RBM20: variants seen among roughly 807,000 people sequenced by gnomAD.
RBM20 encodes the protein RNA binding motif protein 20.
Under a neutral mutation model 110.1 loss-of-function variants are expected in RBM20, and 51 were observed. That is an observed-to-expected ratio of 0.46 (90% CI 0.37 to 0.59). RBM20 has a LOEUF of 0.59. Ranked by LOEUF, RBM20 falls within the 20% of genes least tolerant of loss-of-function variation. RBM20 has a pLI of 0.00. For missense variants in RBM20, 1,512 were observed against 1,574.9 expected (o/e 0.96, Z 0.68); for synonymous variants, 589 against 618.2 (o/e 0.95, Z 0.70).
chr10:110,765,831 A>G (rs548007096), intron 1 of RBM20, among the ~76,000 whole-genome samples: 2 of 152,162 alleles, frequency 1.3e-5, no homozygotes, highest in African/African-American at 4.8e-5. Flanking sequence ...CCTTATATAC[A>G]TTGGAATCTT....
intron 1 of RBM20, among the ~76,000 whole-genome samples, chr10:110,754,100 G>T (rs1231583510): frequency 6.6e-6 from 1 of 151,964 alleles, no homozygotes; most frequent in Non-Finnish European, 1.5e-5. Context: ...AATATCTTTG[G>T]GGGTCATTCA....
Position 110,836,149 on chromosome 10 carries a change from G to A in RBM20, c.*171G>A. On this transcript the variant is annotated 3_prime_UTR_variant, in exon 14 of 14. Coordinates refer to ENST00000369519, the MANE Select transcript of RBM20 (RefSeq NM_001134363.3). ...AGACTCAGTGAAATGCCCCTGATAT[G>A]TCTCCAGGAGCAAGTCACCCAGGTG... 1 of 477,800 alleles carries A rather than the reference G, an allele frequency of 2.1e-6. No homozygotes were observed. Among genetic ancestry groups the A allele is most frequent in the Non-Finnish European group, 3.7e-6 (1 of 271,112 alleles). 29.6% of individuals were successfully genotyped at this position (477,800 alleles called of 1,614,324 possible).
At chr10:110,714,180 T>A (rs1021407436) in intron 1 of RBM20, among the ~76,000 whole-genome samples, 6 of 152,118 alleles carry the variant, frequency 3.9e-5, no homozygotes, top group Non-Finnish European at 5.9e-5. Flanking sequence ...TAGGGAATGG[T>A]AGGAGACCCT....
intron 1 of RBM20, among the ~76,000 whole-genome samples, chr10:110,722,627 T>C (rs1843521855): frequency 6.6e-6 from 1 of 151,344 alleles, no homozygotes; most frequent in Non-Finnish European, 1.5e-5. Flanking sequence ...CACATAAAGC[T>C]AAAGTCTCTT....
At chr10:110,721,705 G>A (rs1311012754) in intron 1 of RBM20, among the ~76,000 whole-genome samples, 1 of 152,098 alleles carries the variant, frequency 6.6e-6, no homozygotes, top group East Asian at 1.9e-4. Flanking sequence ...TATTTCTCAT[G>A]GAACATCTTA....
chr10:110,782,288 A>G (rs1844364230), intron 2 of RBM20, among the ~76,000 whole-genome samples: 2 of 152,228 alleles, frequency 1.3e-5, no homozygotes, highest in African/African-American at 4.8e-5. Flanking sequence ...GAAAAAAAGC[A>G]GAATTTTGGA....
At chr10:110,728,277 A>AT (rs11405402) in intron 1 of RBM20, among the ~76,000 whole-genome samples, 18,598 of 152,052 alleles carry the variant, frequency 0.12, 1,251 homozygotes, top group Non-Finnish European at 0.13. Flanking sequence ...CTCTCTGGAG[A>AT]TTGAGTTGAT....
chr10:110,702,901 TAA>T (rs1359338591), intron 1 of RBM20, among the ~76,000 whole-genome samples: 1 of 152,254 alleles, frequency 6.6e-6, no homozygotes, highest in East Asian at 1.9e-4. Context: ...TTTAAGTACT[TAA>T]AATGGTATCT....
Position 110,781,087 on chromosome 10 carries a change from C to G in RBM20, c.478C>G (p.Pro160Ala), listed in dbSNP as rs751279925. The G allele has an allele frequency of 1.3e-6, 2 of 1,552,032 alleles. No homozygotes were observed. Among genetic ancestry groups the G allele is most frequent in the East Asian group, 2.4e-5 (1 of 40,924 alleles). Residue 160 changes from proline to alanine, a missense_variant, in exon 2 of 14, where the codon CCC becomes GCC. Pro to Ala is a conservative substitution (Grantham distance 27). Around this residue, in one of 3 missense-constraint regions of RBM20, gnomAD observed 1,149 missense variants for 1,169.4 expected, o/e 0.98. Transcript: ENST00000369519. ...GGTTCCCCAACATGCTGCAGCCATACCCAGTACCCGGTTTCCCTCTAATGC... is the reference window on the plus strand; with the variant it reads ...GGTTCCCCAACATGCTGCAGCCATAGCCAGTACCCGGTTTCCCTCTAATGC... ...AGVPQHAAAIPSTRFPSNAIA... is the reference protein window; with the variant it reads ...AGVPQHAAAIASTRFPSNAIA...
intron 1 of RBM20, among the ~76,000 whole-genome samples, chr10:110,727,296 G>C (rs746064368): frequency 6.7e-6 from 1 of 148,764 alleles, no homozygotes; most frequent in Non-Finnish European, 1.5e-5. Context: ...TCTGATTCAC[G>C]CACGGTTTAT....
In RBM20 at chr10:110,688,771, C is replaced by T. The variant is rs541548214; in HGVS notation, c.191+44126C>T. ...AACTAAAACATTATTAATGTTGGTA[C>T]AATACTATTAACAAACTATGGACAT... On this transcript the variant is annotated intron_variant, in intron 1 of 13. Transcript: ENST00000369519. 5.8e-4 allele frequency among the ~76,000 whole-genome samples: 88 copies of T among 152,290 alleles called. 1 individual carries two copies. The highest frequency in any genetic ancestry group is 2.0e-3 in the African/African-American group (82 of 41,568).
At chr10:110,737,192 A>C (rs1304649291) in intron 1 of RBM20, among the ~76,000 whole-genome samples, 3 of 144,714 alleles carry the variant, frequency 2.1e-5, no homozygotes, top group Non-Finnish European at 4.5e-5. Flanking sequence ...AAAAAAAAAA[A>C]AAAAACACCC....
At chr10:110,783,498 CACA>C (rs1844380673) in intron 3 of RBM20, 71 bp downstream of exon 3, 2 of 1,252,982 alleles carry the variant, frequency 1.6e-6, no homozygotes, top group East Asian at 5.1e-5. Context: ...TACTGTGTGT[CACA>C]CGCTGTTTTG....
rs886046706 is a variant in RBM20, at chr10:110,821,781, G to C, written c.3162G>C (p.Glu1054Asp). Residue 1054 changes from glutamate to aspartate, a missense_variant, in exon 11 of 14, where the codon GAG becomes GAC. This residue lies in a region of RBM20 where 358 missense variants were observed against 384.2 expected (regional missense o/e 0.93). Transcript: ENST00000369519. ...QQMSSPKPAE[E>D]RARQPSPFVD... ...TGTCTTCCCCTAAGCCAGCAGAGGAGAGGGCCCGGCAGCCAAGCCCATTTG... is the reference window on the plus strand; with the variant it reads ...TGTCTTCCCCTAAGCCAGCAGAGGACAGGGCCCGGCAGCCAAGCCCATTTG... 6.4e-7 allele frequency: 1 copy of C among 1,551,782 alleles called. No homozygotes were observed. The highest frequency in any genetic ancestry group is 8.7e-7 in the Non-Finnish European group (1 of 1,147,014).
intron 7 of RBM20, among the ~76,000 whole-genome samples, chr10:110,807,149 G>T (rs1844705140): frequency 6.6e-6 from 1 of 152,194 alleles, no homozygotes; most frequent in Non-Finnish European, 1.5e-5. Flanking sequence ...CATCTCTCCA[G>T]CCATGCATCT....
chr10:110,820,050 G>T, intron 9 of RBM20, 22 bp from the exon 10 acceptor site: 2 of 1,489,016 alleles, frequency 1.3e-6, no homozygotes, highest in South Asian at 1.2e-5. Flanking sequence ...GATTTGGTTT[G>T]CTCTGTTCTT....
At chr10:110,834,535 A>G (rs1056947670) in intron 13 of RBM20, among the ~76,000 whole-genome samples, 1 of 152,202 alleles carries the variant, frequency 6.6e-6, no homozygotes, top group African/African-American at 2.4e-5. Flanking sequence ...TGGTGCTGCT[A>G]ATAAGAAAAG....
chr10:110,700,438 ATT>A (rs1440865761), intron 1 of RBM20, among the ~76,000 whole-genome samples: 2 of 152,202 alleles, frequency 1.3e-5, no homozygotes, highest in Non-Finnish European at 2.9e-5. Context: ...AGCTGTACCA[ATT>A]AAGAAATCCT....
At position 110,799,940 on chromosome 10, in the gene RBM20, T is replaced by A. The variant is rs1844601336; in HGVS notation, c.1800+22T>A. On this transcript the variant is annotated intron_variant, in intron 7 of 13. Coordinates refer to ENST00000369519, the MANE Select transcript of RBM20 (RefSeq NM_001134363.3). The stretch of plus-strand genomic sequence containing the variant: ...CAAGGTAAAGCATTATCTTGCTCAT[T>A]CAGTCATTCAACAAGCACCAGATGA... 5 of 1,550,916 alleles carry A rather than the reference T, an allele frequency of 3.2e-6. No homozygotes were observed. In the South Asian group the frequency reaches 4.8e-5, roughly 15 times the overall value.
Sources: allele counts gnomAD v4.1 joint callset (sites outside exome capture counted in the v4.1 genomes callset), GRCh38; gene constraint gnomAD v4.1.1; regional missense constraint gnomAD v4.1.1; transcripts MANE v1.5; gene names NCBI Gene and HGNC (gene_info 2026-07-23, HGNC 2026-07-21).